PPP2R2C: variants seen among roughly 807,000 people sequenced by gnomAD.
PPP2R2C encodes the protein protein phosphatase 2 regulatory subunit Bgamma.
A neutral mutation model predicts 45.3 loss-of-function variants in PPP2R2C; 10 were observed. The observed-to-expected ratio is 0.22, with a 90% CI of 0.14 to 0.37. The LOEUF is 0.37. Among genes scored for constraint, PPP2R2C ranks in the 10% least tolerant of loss-of-function variants. The pLI is 1.00. For missense variants in PPP2R2C, 308 were observed against 619.7 expected, an observed-to-expected ratio of 0.50 and a Z score of 5.34; for synonymous variants, 257 against 245.4, an observed-to-expected ratio of 1.05 and a Z score of -0.44.
At chr4:6,489,199 CT>C (rs1368633379) in intron 2 of PPP2R2C, among the ~76,000 whole-genome samples, 10 of 152,216 alleles carry the variant, frequency 6.6e-5, no homozygotes, top group Admixed American at 3.3e-4. Context: ...TTGGCCTCAC[CT>C]TGTTTATTTC....
rs1479658079 is a variant in PPP2R2C at position 6,324,366 on chromosome 4, G to A, written c.1053-773C>T. 3.3e-5 allele frequency among the ~76,000 whole-genome samples: 5 copies of A among 152,180 alleles called. No homozygotes were observed. The highest frequency in any genetic ancestry group is 5.9e-5 in the Non-Finnish European group (4 of 68,030). On this transcript the variant is annotated intron_variant, in intron 8 of 8. Coordinates refer to ENST00000382599, the MANE Select transcript of PPP2R2C (RefSeq NM_020416.4). The surrounding 1 kb of genome is among the most constrained non-coding windows in gnomAD (Gnocchi z 4.1). ...AGAGTTGCTTGAATCCAGGAGGCAA[G>A]GTTGTAGTGAGCCAAGATCGCGCCA... is the stretch of plus-strand genomic sequence containing the variant.
At chr4:6,551,335 T>C (rs1356865578) in intron 1 of PPP2R2C, among the ~76,000 whole-genome samples, 1 of 152,196 alleles carries the variant, frequency 6.6e-6, no homozygotes, top group Non-Finnish European at 1.5e-5. Context: ...CAGGTGATAT[T>C]TGTAGAATGA....
Position 6,415,213 on chromosome 4 carries a change from G to A in PPP2R2C, c.71-34119C>T, listed in dbSNP as rs567100257. Among the ~76,000 whole-genome samples the A allele has an allele frequency of 7.9e-5, 12 of 152,338 alleles. No homozygotes were observed. In the East Asian group the frequency reaches 1.9e-3, roughly 25 times the overall value. ...TTTCAAAGGGATCAAACTGGCCAGC[G>A]CCAGCATGTCCACTGTTACAGCCGG... On this transcript the variant is annotated intron_variant, in intron 1 of 8. Transcript: ENST00000382599.
chr4:6,559,918 C>T (rs1725522031), intron 1 of PPP2R2C, among the ~76,000 whole-genome samples: 1 of 152,264 alleles, frequency 6.6e-6, no homozygotes, highest in African/African-American at 2.4e-5. Context: ...CAGCTCCCTT[C>T]CTGAACTGTG....
intron 1 of PPP2R2C, among the ~76,000 whole-genome samples, chr4:6,410,662 C>T (rs902516768): frequency 6.6e-6 from 1 of 152,012 alleles, no homozygotes; most frequent in Non-Finnish European, 1.5e-5. Flanking sequence ...CAACTGCATA[C>T]ACCTGCCTAA....
chr4:6,517,781 G>A (rs1171263513), intron 2 of PPP2R2C, among the ~76,000 whole-genome samples: 2 of 152,170 alleles, frequency 1.3e-5, no homozygotes, highest in Non-Finnish European at 2.9e-5. Context: ...GGGAAATACT[G>A]GGGTCTGGAA....
At position 6,378,620 on chromosome 4, in the gene PPP2R2C, C is replaced by A; in HGVS notation, c.169-48G>T. ...GGCCTGAGCACCGTGACCTGCAGGG[C>A]GACGGCTAGGACCTCCGGGGACCCA... On this transcript the variant is annotated intron_variant, in intron 2 of 8. Transcript: ENST00000382599. The surrounding 1 kb of genome is among the most constrained non-coding windows in gnomAD (Gnocchi z 5.2). The A allele has an allele frequency of 6.3e-7, 1 of 1,577,314 alleles. No homozygotes were observed. Among genetic ancestry groups the A allele is most frequent in the Non-Finnish European group, 8.6e-7 (1 of 1,159,186 alleles).
rs935089850 is a variant in PPP2R2C, at chr4:6,450,613, C to T, written c.70+21547G>A. Among the ~76,000 whole-genome samples, 70 of 152,306 alleles carry T rather than the reference C, an allele frequency of 4.6e-4. 2 individuals carry two copies. Among genetic ancestry groups the T allele is most frequent in the South Asian group, 2.1e-4 (1 of 4,824 alleles). The stretch of plus-strand genomic sequence containing the variant: ...ACGCCAGGAGAGACCCCAGACACAG[C>T]ACCCACCCAGGCAGCTGCCTGGAGC... On this transcript the variant is annotated intron_variant, in intron 1 of 8. Coordinates refer to ENST00000382599, the MANE Select transcript of PPP2R2C (RefSeq NM_020416.4).
At chr4:6,500,068 T>C (rs1320207282) in intron 2 of PPP2R2C, among the ~76,000 whole-genome samples, 2 of 152,236 alleles carry the variant, frequency 1.3e-5, no homozygotes, top group African/African-American at 4.8e-5. Context: ...GTCCCCAGGC[T>C]AGAAATGTTT....
chr4:6,555,998 C>T (rs949621370), intron 1 of PPP2R2C, among the ~76,000 whole-genome samples: 8 of 152,086 alleles, frequency 5.3e-5, no homozygotes, highest in African/African-American at 1.7e-4. Flanking sequence ...CAAGAGTGAG[C>T]CCTGGGGTGG....
At chr4:6,363,127 T>C (rs961837926) in intron 5 of PPP2R2C, among the ~76,000 whole-genome samples, 7 of 152,106 alleles carry the variant, frequency 4.6e-5, no homozygotes, top group South Asian at 2.1e-4. Context: ...GACAGAGCCA[T>C]GGCACGCAGG....
rs1485289537 is a variant in PPP2R2C, at chr4:6,368,851, C to G, written c.625+3672G>C. Among the ~76,000 whole-genome samples the G allele has an allele frequency of 6.6e-6, 1 of 152,160 alleles. No homozygotes were observed. Among genetic ancestry groups the G allele is most frequent in the Admixed American group, 6.5e-5 (1 of 15,270 alleles). ...ACGACACACACCCACGACATACACA[C>G]CTCCAAAGCTGGCTAGTGACACGCC... On this transcript the variant is annotated intron_variant, in intron 5 of 8. Coordinates refer to ENST00000382599, the MANE Select transcript of PPP2R2C (RefSeq NM_020416.4). This position sits in a 1 kb window ranked among gnomAD's most constrained non-coding sequence, Gnocchi z 4.2.
intron 2 of PPP2R2C, among the ~76,000 whole-genome samples, chr4:6,509,340 C>T (rs1431673731): frequency 6.6e-6 from 1 of 152,138 alleles, no homozygotes; most frequent in Non-Finnish European, 1.5e-5. Flanking sequence ...CTTCCCATAA[C>T]CCTCCACCCA....
intron 2 of PPP2R2C, 65 bp downstream of exon 2, chr4:6,380,932 G>A (rs1715733873): frequency 7.4e-7 from 1 of 1,357,564 alleles, no homozygotes; most frequent in African/African-American, 1.5e-5. Context: ...CTCCCACCAT[G>A]CCCGCCTCCC....
At chr4:6,388,144 CT>C (rs1437163496) in intron 1 of PPP2R2C, among the ~76,000 whole-genome samples, 2 of 152,222 alleles carry the variant, frequency 1.3e-5, no homozygotes, top group African/African-American at 4.8e-5. Flanking sequence ...CCTTCCCCCC[CT>C]GAGGTGCCTC....
chr4:6,504,993 C>T (rs1254373741), intron 2 of PPP2R2C, among the ~76,000 whole-genome samples: 1 of 152,118 alleles, frequency 6.6e-6, no homozygotes, highest in East Asian at 1.9e-4. Flanking sequence ...CACATAAAGG[C>T]ACGTCATAGT....
chr4:6,464,201 T>C (rs7664961), intron 1 of PPP2R2C, among the ~76,000 whole-genome samples: 57,339 of 152,160 alleles, frequency 0.38, 11,843 homozygotes, highest in Non-Finnish European at 0.48. Context: ...TTATAGTACA[T>C]AGCCAATAAA....
intron 1 of PPP2R2C, among the ~76,000 whole-genome samples, chr4:6,435,572 A>C (rs968699404): frequency 1.3e-5 from 2 of 152,176 alleles, no homozygotes; most frequent in Non-Finnish European, 2.9e-5. Flanking sequence ...ACTGGTCCTT[A>C]CTAATTATTA....
chr4:6,354,244 C>G (rs912442896), intron 5 of PPP2R2C, among the ~76,000 whole-genome samples: 1 of 151,814 alleles, frequency 6.6e-6, no homozygotes, highest in Non-Finnish European at 1.5e-5. Context: ...CCGAGGAGGT[C>G]GGACTTGCCC....
Sources: gnomAD v4.1 joint callset for allele counts (sites outside exome capture counted in the v4.1 genomes callset) on GRCh38, gnomAD v4.1.1 for gene constraint, Gnocchi (gnomAD v3.1) non-coding constraint, MANE v1.5 for transcripts, NCBI Gene and HGNC (gene_info 2026-07-23, HGNC 2026-07-21) for gene names.